The following KTN1 variants were observed in gnomAD, a reference collection of about 807,000 sequenced individuals.
KTN1 encodes the protein kinectin.
Under a neutral mutation model 222.5 loss-of-function variants are expected in KTN1, and 130 were observed. The observed-to-expected ratio is 0.58, with a 90% CI of 0.51 to 0.68. The LOEUF is 0.68. KTN1 is among the 30% of genes least tolerant of loss of function. KTN1 has a pLI of 0.00. For synonymous variants in KTN1, 512 were observed against 496.3 expected, an observed-to-expected ratio of 1.03 and a Z score of -0.42; for missense variants, 1,508 against 1,500.4, an observed-to-expected ratio of 1.01 and a Z score of -0.08.
intron 1 of KTN1, among the ~76,000 whole-genome samples, chr14:55,591,457 G>A (rs1279473211): frequency 6.6e-6 from 1 of 151,860 alleles, no homozygotes; most frequent in African/African-American, 2.4e-5. Context: ...GTTTATTCCT[G>A]TCACCAGTGT....
chr14:55,664,167 A>T (rs1595210781), intron 33 of KTN1, 126 bp downstream of exon 33: 1 of 611,206 alleles, frequency 1.6e-6, no homozygotes, highest in Admixed American at 3.3e-5. Context: ...CATATTTATC[A>T]TCTCTATCAT....
In KTN1 at chr14:55,653,057, A is replaced by T. The variant is rs771718196; in HGVS notation, c.2735A>T (p.Gln912Leu). ...EENESLKAHVQEVAQHNLKEA... is the reference protein window; with the variant it reads ...EENESLKAHVLEVAQHNLKEA... ...AATGAATCTTTAAAAGCACATGTTC[A>T]GGAAGTAGCACAACATAACTTGAAA... is the stretch of plus-strand genomic sequence containing the variant. Residue 912 changes from glutamine (Q) to leucine (L), a missense_variant, in exon 27 of 44, where the codon CAG becomes CTG. Transcript: ENST00000395314. 1.2e-6 allele frequency: 2 copies of T among 1,600,524 alleles called. No individual in the cohort carries two copies. Among genetic ancestry groups the T allele is most frequent in the African/African-American group, 2.7e-5 (2 of 74,632 alleles).
chr14:55,603,998 T>A (rs2036364513), intron 1 of KTN1, among the ~76,000 whole-genome samples: 1 of 152,154 alleles, frequency 6.6e-6, no homozygotes, highest in African/African-American at 2.4e-5. Context: ...ATCTCTAAAT[T>A]ATTTCAGTTG....
At chr14:55,658,806 T>C (rs1305922360) in intron 30 of KTN1, among the ~76,000 whole-genome samples, 192 bp downstream of exon 30, 1 of 152,220 alleles carries the variant, frequency 6.6e-6, no homozygotes, top group African/African-American at 2.4e-5. Flanking sequence ...CTATAAAGTA[T>C]ACACAAATAA....
At position 55,590,530 on chromosome 14, in the gene KTN1, T is replaced by C. The variant is rs553824100; in HGVS notation, c.-31+10176T>C. On this transcript the variant is annotated intron_variant, in intron 1 of 43. Transcript: ENST00000395314. ...CCCTTCCCACACTCTAACCACTACC[T>C]TTCTTACCTTTGCTTTTCTTTTAGT... is the stretch of plus-strand genomic sequence containing the variant. Among the ~76,000 whole-genome samples the C allele has an allele frequency of 2.0e-4, 30 of 152,308 alleles. 1 individual carries two copies. In the South Asian group the frequency reaches 6.2e-3, roughly 32 times the overall value.
In KTN1 at chr14:55,641,590, T is replaced by C. The variant is rs150678811; in HGVS notation, c.2104-102T>C. The C allele has an allele frequency of 1.3e-5, 10 of 792,780 alleles. No individual in the cohort carries two copies. The East Asian group carries it at 2.2e-4, about 17-fold the overall frequency. 49.1% of individuals were successfully genotyped at this position (792,780 alleles called of 1,614,324 possible). A position where few individuals can be genotyped will look rare whatever the true frequency, so the allele number is the denominator to read the frequency against. On this transcript the variant is annotated intron_variant, in intron 17 of 43. Coordinates refer to ENST00000395314, the MANE Select transcript of KTN1 (RefSeq NM_001079521.2). The stretch of plus-strand genomic sequence containing the variant: ...ATAATTCACCTGTCACTTTGAGGAC[T>C]GAAAGCTGAGATAAAGGTTTGATTG...
chr14:55,639,136 A>G, intron 12 of KTN1, 49 bp from the exon 13 acceptor site: 1 of 1,271,328 alleles, frequency 7.9e-7, no homozygotes, highest in Non-Finnish European at 1.1e-6. Flanking sequence ...GTATAGCTAT[A>G]AAGCTTTCTC....
chr14:55,647,612 G>A (rs529633431), intron 19 of KTN1, among the ~76,000 whole-genome samples: 11 of 119,014 alleles, frequency 9.2e-5, no homozygotes, highest in Admixed American at 4.5e-4. Flanking sequence ...CAGCCTGGGC[G>A]ACAAGAGTGA....
intron 18 of KTN1, among the ~76,000 whole-genome samples, 199 bp from the exon 19 acceptor site, chr14:55,646,774 T>G (rs1566789853): frequency 2.0e-5 from 3 of 152,052 alleles, no homozygotes; most frequent in Admixed American, 6.6e-5. Flanking sequence ...CTACTTTTTC[T>G]GTGTCTCTTG....
chr14:55,667,386 A>G, intron 34 of KTN1, 56 bp downstream of exon 34: 1 of 1,001,518 alleles, frequency 1.0e-6, no homozygotes, highest in South Asian at 1.4e-5. Context: ...AAAGGTGTGA[A>G]TAAGCAACAT....
chr14:55,610,985 G>A (rs1484455110), intron 1 of KTN1, among the ~76,000 whole-genome samples: 1 of 152,208 alleles, frequency 6.6e-6, no homozygotes, highest in Non-Finnish European at 1.5e-5. Flanking sequence ...TAGCAATTTC[G>A]GTAGGATGTT....
chr14:55,588,444 G>A (rs1219777418), intron 1 of KTN1, among the ~76,000 whole-genome samples: 1 of 152,064 alleles, frequency 6.6e-6, no homozygotes, highest in African/African-American at 2.4e-5. Context: ...ACTTGGCATG[G>A]GTCTCATGGT....
At chr14:55,680,796 A>C in intron 43 of KTN1, 1 of 937,096 alleles carries the variant, frequency 1.1e-6, no homozygotes, top group Non-Finnish European at 1.6e-6. Flanking sequence ...ATTCTTCAAC[A>C]TATCAACAAA....
rs2041299944 is a variant in KTN1 at position 55,637,689 on chromosome 14, T to C, written c.1717-90T>C. On this transcript the variant is annotated intron_variant, in intron 11 of 43. Transcript: ENST00000395314. ...GCCTTAAAAAAAAAAAAGAAAAAGA[T>C]AAACAAATGTACCTATAATACATTG... 3.5e-6 allele frequency: 3 copies of C among 855,078 alleles called. No individual in the cohort carries two copies. The East Asian group carries it at 7.7e-5, about 22-fold the overall frequency. The allele number at this position is 855,078 out of a possible 1,614,324, so 53.0% of individuals were successfully genotyped here.
At chr14:55,583,308 T>G (rs1191437814) in intron 1 of KTN1, among the ~76,000 whole-genome samples, 1 of 152,224 alleles carries the variant, frequency 6.6e-6, no homozygotes, top group Non-Finnish European at 1.5e-5. Flanking sequence ...AGCTTTTAAT[T>G]GGTTTTATGT....
chr14:55,650,450 TTTTG>T, intron 23 of KTN1, 32 bp downstream of exon 23: 4 of 1,562,528 alleles, frequency 2.6e-6, no homozygotes, highest in Non-Finnish European at 3.5e-6. Context: ...TGTTTTATGT[TTTTG>T]TTTATCAACT....
At chr14:55,678,594 A>T (rs10483650) in intron 42 of KTN1, 150 bp downstream of exon 42, 1 of 605,326 alleles carries the variant, frequency 1.7e-6, no homozygotes, top group Non-Finnish European at 3.0e-6. Flanking sequence ...GTTTGATCTC[A>T]TTTTTGCTTA....
At chr14:55,626,398 C>T (rs1003531007) in intron 5 of KTN1, among the ~76,000 whole-genome samples, 3 of 152,070 alleles carry the variant, frequency 2.0e-5, no homozygotes, top group Admixed American at 1.3e-4. Context: ...TGCCAGCTCA[C>T]GTTTCATCTC....
chr14:55,596,502 CCTCTA>C (rs1472651523), intron 1 of KTN1, among the ~76,000 whole-genome samples: 2 of 152,102 alleles, frequency 1.3e-5, no homozygotes, highest in Non-Finnish European at 2.9e-5. Flanking sequence ...AGGATAGGAG[CCTCTA>C]CTTGTGGCTA....
Sources: allele counts gnomAD v4.1 joint callset (sites outside exome capture counted in the v4.1 genomes callset), GRCh38; gene constraint gnomAD v4.1.1; transcripts MANE v1.5; gene names NCBI Gene and HGNC (gene_info 2026-07-23, HGNC 2026-07-21).